The following CCSER1 variants were observed in gnomAD, a reference collection of about 807,000 sequenced individuals.
CCSER1 encodes the protein coiled-coil serine rich protein 1.
Under a neutral mutation model 82.0 loss-of-function variants are expected in CCSER1, and 41 were observed. The observed-to-expected ratio is 0.50, with a 90% CI of 0.39 to 0.65. The LOEUF (loss-of-function observed/expected upper bound fraction) is 0.65, where lower values mean the gene tolerates loss of function less well. CCSER1 is among the 30% of genes least tolerant of loss of function. The pLI, the probability that CCSER1 is intolerant of heterozygous loss-of-function variation, is 0.00. For missense variants in CCSER1, 1,119 were observed against 1,064.2 expected (o/e 1.05, Z -0.72); for synonymous variants, 414 against 383.9 (o/e 1.08, Z -0.92).
At chr4:90,400,973 A>G (rs1752783426) in intron 4 of CCSER1, among the ~76,000 whole-genome samples, 1 of 152,076 alleles carries the variant, frequency 6.6e-6, no homozygotes, top group African/African-American at 2.4e-5. Context: ...TAGTGTCTTT[A>G]TTTTTAATTC....
In CCSER1 at chr4:91,544,421, T is replaced by C. The variant is rs531464812; in HGVS notation, c.2218-54151T>C. On this transcript the variant is annotated intron_variant, in intron 10 of 10. Transcript: ENST00000509176. ...AGAATTTTCAGCTTTTCTGCTCTGG[T>C]TTCTCCCTGTCTTTTTGGTTTTTAT... 2.6e-5 allele frequency among the ~76,000 whole-genome samples: 4 copies of C among 152,302 alleles called. No homozygotes were observed. The South Asian group carries it at 6.2e-4, about 24-fold the overall frequency.
At chr4:90,244,537 TCA>T (rs1461620354) in intron 1 of CCSER1, among the ~76,000 whole-genome samples, 1 of 152,128 alleles carries the variant, frequency 6.6e-6, no homozygotes, top group East Asian at 1.9e-4. Context: ...TTTAATTGAC[TCA>T]CAGCTCCACA....
intron 4 of CCSER1, among the ~76,000 whole-genome samples, chr4:90,450,541 T>C (rs1761306265): frequency 6.6e-6 from 1 of 152,156 alleles, no homozygotes; most frequent in African/African-American, 2.4e-5. Context: ...TACTTATCTT[T>C]TGTGATTGTT....
At chr4:91,000,218 AG>A (rs369075855) in intron 9 of CCSER1, among the ~76,000 whole-genome samples, 481 of 45,994 alleles carry the variant, frequency 0.01, 2 homozygotes, top group African/African-American at 0.015. Flanking sequence ...AGTATAGTAT[AG>A]GTATAGTATA....
At chr4:91,196,151 C>T (rs963139507) in intron 10 of CCSER1, among the ~76,000 whole-genome samples, 4 of 142,104 alleles carry the variant, frequency 2.8e-5, no homozygotes, top group African/African-American at 1.1e-4. Flanking sequence ...TGCTCCACAG[C>T]AGTCCGGCCT....
At chr4:91,595,094 A>T (rs889061877) in intron 10 of CCSER1, among the ~76,000 whole-genome samples, 1 of 152,006 alleles carries the variant, frequency 6.6e-6, no homozygotes, top group Admixed American at 6.6e-5. Context: ...CCAATACTAT[A>T]GCCCTTCCCA....
intron 10 of CCSER1, among the ~76,000 whole-genome samples, chr4:91,546,638 G>A (rs1401219891): frequency 1.3e-5 from 2 of 151,742 alleles, no homozygotes; most frequent in African/African-American, 2.4e-5. Context: ...TTTATTCTCA[G>A]CCTAGCTAGA....
At chr4:91,235,203 T>C (rs1044251758) in intron 10 of CCSER1, among the ~76,000 whole-genome samples, 1 of 152,146 alleles carries the variant, frequency 6.6e-6, no homozygotes, top group African/African-American at 2.4e-5. Context: ...ATAATGTTAC[T>C]TGTTTCCCCC....
At chr4:91,048,325 T>C (rs911431588) in intron 9 of CCSER1, among the ~76,000 whole-genome samples, 1 of 151,728 alleles carries the variant, frequency 6.6e-6, no homozygotes, top group Non-Finnish European at 1.5e-5. Context: ...CAAATTTCCT[T>C]CCCTTCATTT....
intron 10 of CCSER1, among the ~76,000 whole-genome samples, chr4:91,326,973 T>C (rs2149272057): frequency 6.6e-6 from 1 of 152,304 alleles, no homozygotes; most frequent in South Asian, 2.1e-4. Flanking sequence ...GCTCTGCCTC[T>C]GTGGCTCTGG....
intron 10 of CCSER1, among the ~76,000 whole-genome samples, chr4:91,593,724 CA>C (rs1158878245): frequency 6.6e-6 from 1 of 152,018 alleles, no homozygotes; most frequent in African/African-American, 2.4e-5. Flanking sequence ...GACTGTCTGT[CA>C]AATGCCAAAC....
intron 10 of CCSER1, among the ~76,000 whole-genome samples, chr4:91,509,634 G>A (rs558930455): frequency 1.3e-5 from 2 of 152,146 alleles, no homozygotes; most frequent in South Asian, 4.1e-4. Flanking sequence ...CTTCTGCCTA[G>A]TTGTTCTATC....
intron 8 of CCSER1, among the ~76,000 whole-genome samples, chr4:90,837,483 T>C (rs1267888375): frequency 1.1e-4 from 17 of 152,350 alleles, no homozygotes. Context: ...CCTATTTCTT[T>C]ATCTGTAAAA....
intron 7 of CCSER1, among the ~76,000 whole-genome samples, chr4:90,748,384 G>T (rs1747917056): frequency 1.3e-5 from 2 of 150,984 alleles, no homozygotes; most frequent in African/African-American, 2.4e-5. Context: ...TTTTATGGCT[G>T]CATAGTATTC....
chr4:91,369,627 ATTAACAAGGTCCCAGG>A (rs1267648836), intron 10 of CCSER1, among the ~76,000 whole-genome samples: 2 of 150,116 alleles, frequency 1.3e-5, no homozygotes, highest in African/African-American at 4.9e-5. Context: ...CTTCAAATAC[ATTAACAAGGTCCCAGG>A]TCCAAATTAA....
intron 10 of CCSER1, among the ~76,000 whole-genome samples, chr4:91,271,933 T>C (rs1742068975): frequency 2.0e-5 from 3 of 152,124 alleles, no homozygotes; most frequent in Admixed American, 2.0e-4. Context: ...TTTGTATTTT[T>C]AGTAAAGACA....
intron 10 of CCSER1, among the ~76,000 whole-genome samples, chr4:91,561,840 A>G (rs899703167): frequency 6.6e-6 from 1 of 151,444 alleles, no homozygotes; most frequent in Non-Finnish European, 1.5e-5. Flanking sequence ...CAAAAGGAGC[A>G]CTCTTATGAA....
intron 10 of CCSER1, among the ~76,000 whole-genome samples, chr4:91,484,432 T>TA (rs1758112152): frequency 6.6e-6 from 1 of 152,182 alleles, no homozygotes; most frequent in African/African-American, 2.4e-5. Context: ...GGTCAGGGAA[T>TA]ATTTATTTAC....
chr4:90,742,891 G>T (rs1203582214), intron 7 of CCSER1, among the ~76,000 whole-genome samples: 4 of 152,080 alleles, frequency 2.6e-5, no homozygotes, highest in African/African-American at 9.7e-5. Flanking sequence ...GCATTAAGTA[G>T]CCATGCTGAC....
Sources: allele counts gnomAD v4.1 joint callset (sites outside exome capture counted in the v4.1 genomes callset), GRCh38; gene constraint gnomAD v4.1.1; transcripts MANE v1.5; gene names NCBI Gene and HGNC (gene_info 2026-07-23, HGNC 2026-07-21).